TASOR: variants seen among roughly 807,000 people sequenced by gnomAD.
The protein encoded by TASOR is protein TASOR.
TASOR carries 53 observed loss-of-function variants against 178.6 expected under a neutral mutation model. The observed-to-expected ratio is 0.30, with a 90% CI of 0.24 to 0.37. The LOEUF (loss-of-function observed/expected upper bound fraction) is 0.37, where lower values mean the gene tolerates loss of function less well. Among genes scored for constraint, TASOR ranks in the 10% least tolerant of loss-of-function variants. The probability of loss-of-function intolerance (pLI) is 1.00; values close to 1 mark genes in which losing one functional copy is unlikely to be tolerated. For synonymous variants in TASOR, 713 were observed against 696.2 expected (o/e 1.02, Z -0.38); for missense variants, 1,815 against 1,971.4 (o/e 0.92, Z 1.50).
intron 9 of TASOR, among the ~76,000 whole-genome samples, chr3:56,661,422 T>C (rs2077592980): frequency 6.6e-6 from 1 of 152,104 alleles, no homozygotes; most frequent in African/African-American, 2.4e-5. Flanking sequence ...TCCCAAAGTG[T>C]TGGGATTACA....
At chr3:56,677,837 G>A (rs921159883) in intron 1 of TASOR, among the ~76,000 whole-genome samples, 3 of 152,048 alleles carry the variant, frequency 2.0e-5, no homozygotes, top group Non-Finnish European at 4.4e-5. Context: ...GCCAAGAGTC[G>A]TAACACCCTT....
At chr3:56,670,940 C>CAAAAAAAAAAAAAAAA (rs11300845) in intron 3 of TASOR, among the ~76,000 whole-genome samples, 7 of 54,188 alleles carry the variant, frequency 1.3e-4, no homozygotes, top group African/African-American at 4.4e-4. Context: ...GACTCCATCT[C>CAAAAAAAAAAAAAAAA]AAAAAAAAAA....
At chr3:56,658,861 CTG>C (rs1290506165) in intron 11 of TASOR, among the ~76,000 whole-genome samples, 8 of 151,726 alleles carry the variant, frequency 5.3e-5, no homozygotes, top group African/African-American at 1.9e-4. Flanking sequence ...TTGCAGTGAG[CTG>C]AGACTGTGCC....
In TASOR at chr3:56,621,339, C is replaced by CAGAATCTTACAAATGTGATAGCTAT. The variant is rs2076582535; in HGVS notation, c.*1673_*1697dup. ...TCCCTATTGATTTTTATGCTAAAAA[C>CAGAATCTTACAAATGTGATAGCTAT]AGAATCTTACAAATGTGATAGCTAT... On this transcript the variant is annotated 3_prime_UTR_variant, in exon 24 of 24. Coordinates refer to ENST00000683822, the MANE Select transcript of TASOR (RefSeq NM_001365635.2). The CAGAATCTTACAAATGTGATAGCTAT allele has an allele frequency of 2.6e-6, 1 of 389,224 alleles. No homozygotes were observed. 24.1% of individuals were successfully genotyped at this position (389,224 alleles called of 1,614,324 possible).
At chr3:56,656,931 AC>A (rs1231330561) in intron 11 of TASOR, among the ~76,000 whole-genome samples, 1 of 151,158 alleles carries the variant, frequency 6.6e-6, no homozygotes, top group Non-Finnish European at 1.5e-5. Context: ...AACTGCTTGA[AC>A]CCAGGAGGAG....
intron 13 of TASOR, among the ~76,000 whole-genome samples, chr3:56,647,623 G>C (rs865824702): frequency 6.6e-6 from 1 of 152,178 alleles, no homozygotes; most frequent in African/African-American, 2.4e-5. Context: ...CTCTTATAAA[G>C]TAGTAACTAA....
intron 20 of TASOR, 102 bp downstream of exon 20, chr3:56,627,478 CTG>C (rs1246073536): frequency 2.4e-6 from 3 of 1,247,782 alleles, no homozygotes; most frequent in Admixed American, 4.3e-5. Context: ...CAAGAAAAGA[CTG>C]AAATGTACTA....
intron 7 of TASOR, among the ~76,000 whole-genome samples, chr3:56,665,474 A>C (rs1005173388): frequency 6.6e-6 from 1 of 152,016 alleles, no homozygotes; most frequent in Non-Finnish European, 1.5e-5. Flanking sequence ...CTCTTGCTTC[A>C]GCCTCCCAAG....
chr3:56,678,122 G>T (rs2107643358), intron 1 of TASOR, among the ~76,000 whole-genome samples: 1 of 150,398 alleles, frequency 6.6e-6, no homozygotes, highest in South Asian at 2.1e-4. Flanking sequence ...CTGACTCTTA[G>T]CCATACTATC....
Position 56,654,408 on chromosome 3 carries a change from G to T in TASOR, c.1369-5351C>A, listed in dbSNP as rs547469789. Among the ~76,000 whole-genome samples the T allele has an allele frequency of 4.8e-4, 73 of 151,900 alleles. No individual in the cohort carries two copies. In the South Asian group the frequency reaches 0.015, roughly 32 times the overall value. On this transcript the variant is annotated intron_variant, in intron 11 of 23. Transcript: ENST00000683822. ...GTGGCAGGGGTGGGCGGGGTTGGGGGGTGGTAGTTTCTATACAAGCAATGC... is the reference window on the plus strand; with the variant it reads ...GTGGCAGGGGTGGGCGGGGTTGGGGTGTGGTAGTTTCTATACAAGCAATGC...
rs1181101060 is a variant in TASOR, at chr3:56,670,056, A to G, written c.643+17T>C. The G allele has an allele frequency of 1.3e-6, 2 of 1,486,014 alleles. No homozygotes were observed. Among genetic ancestry groups the G allele is most frequent in the South Asian group, 1.3e-5 (1 of 76,034 alleles). 92.1% of individuals were successfully genotyped at this position (1,486,014 alleles called of 1,614,324 possible). A position where few individuals can be genotyped will look rare whatever the true frequency, so the allele number is the denominator to read the frequency against. On this transcript the variant is annotated intron_variant, in intron 4 of 23. Coordinates refer to ENST00000683822, the MANE Select transcript of TASOR (RefSeq NM_001365635.2). ...ACTTAGTAGTAGATATTTATATTTAAAAAGAAAAAAGATTACCCATGGAAG... is the reference window on the plus strand; with the variant it reads ...ACTTAGTAGTAGATATTTATATTTAGAAAGAAAAAAGATTACCCATGGAAG...
intron 11 of TASOR, among the ~76,000 whole-genome samples, chr3:56,651,709 A>G (rs2077356089): frequency 6.6e-6 from 1 of 152,114 alleles, no homozygotes; most frequent in Non-Finnish European, 1.5e-5. Context: ...TCAAAAAAAA[A>G]AAGCTTAGAA....
In TASOR at chr3:56,623,158, G is replaced by C; in HGVS notation, c.4892C>G (p.Ser1631Cys). The change falls in exon 24 of 24, where the codon TCT (serine) becomes TGT (cysteine). Residue 1631 changes from serine (S) to cysteine (C), a missense_variant. Ser to Cys is a moderately radical substitution (Grantham distance 112, BLOSUM62 -1). Transcript: ENST00000683822. ...GTPYALSSSQ[S>C]QENENYFLSA... ...TAAGAAGTAATTCTCATTTTCTTGA[G>C]ACTGACTTGATGAAAGGGCATATGG... The C allele has an allele frequency of 6.2e-7, 1 of 1,613,720 alleles. No homozygotes were observed. Among genetic ancestry groups the C allele is most frequent in the Non-Finnish European group, 8.5e-7 (1 of 1,179,806 alleles).
chr3:56,669,983 T>A, intron 4 of TASOR, 90 bp downstream of exon 4: 1 of 959,126 alleles, frequency 1.0e-6, no homozygotes, highest in Non-Finnish European at 1.6e-6. Context: ...AGCATGAATT[T>A]AATAACAACT....
intron 4 of TASOR, 131 bp downstream of exon 4, chr3:56,669,942 T>C: frequency 1.2e-6 from 1 of 863,664 alleles, no homozygotes; most frequent in Non-Finnish European, 1.8e-6. Flanking sequence ...TTTCAGAACC[T>C]ATGACTAGTC....
chr3:56,630,520 A>C (rs6445803), intron 18 of TASOR, among the ~76,000 whole-genome samples: 93,941 of 152,070 alleles, frequency 0.62, 31,619 homozygotes, highest in East Asian at 0.96. Flanking sequence ...AAGCACAATT[A>C]ATTAGGAAAT....
chr3:56,666,172 G>C, intron 7 of TASOR, 88 bp downstream of exon 7: 1 of 1,165,414 alleles, frequency 8.6e-7, no homozygotes. Context: ...AAAATGGGAA[G>C]GAAACAAAAT....
intron 11 of TASOR, among the ~76,000 whole-genome samples, chr3:56,652,138 G>C (rs1413706236): frequency 1.3e-5 from 2 of 152,148 alleles, no homozygotes; most frequent in African/African-American, 4.8e-5. Flanking sequence ...AATCCATAGA[G>C]ACAGAAGTAG....
At chr3:56,634,512 C>G (rs777110655) in intron 17 of TASOR, among the ~76,000 whole-genome samples, 3 of 152,100 alleles carry the variant, frequency 2.0e-5, no homozygotes, top group Non-Finnish European at 2.9e-5. Context: ...TTCTCACTTA[C>G]GAGGTTGCTA....
Sources: gnomAD v4.1 joint callset for allele counts (sites outside exome capture counted in the v4.1 genomes callset) on GRCh38, gnomAD v4.1.1 for gene constraint, MANE v1.5 for transcripts, NCBI Gene and HGNC (gene_info 2026-07-23, HGNC 2026-07-21) for gene names.